ITPRIPL1: variants seen among roughly 807,000 people sequenced by gnomAD.
ITPRIPL1 encodes ITPRIP like 1.
A neutral mutation model predicts 40.0 loss-of-function variants in ITPRIPL1; 28 were observed. That is an observed-to-expected ratio of 0.70 (90% CI 0.52 to 0.96). ITPRIPL1 has a LOEUF of 0.96. ITPRIPL1 is among the 40% of genes least tolerant of loss of function. The pLI is 0.00. For synonymous variants in ITPRIPL1, 251 were observed against 275.7 expected (o/e 0.91, Z 0.89); for missense variants, 638 against 698.0 (o/e 0.91, Z 0.97).
rs891218241 is a variant in ITPRIPL1 at position 96,326,522 on chromosome 2, T to G, written c.11-120T>G. On this transcript the variant is annotated intron_variant, in intron 2 of 2. Coordinates refer to ENST00000439118, the MANE Select transcript of ITPRIPL1 (RefSeq NM_001008949.3). Reference sequence around the variant, plus strand: ...TGTCCAAGCCAAGCTCTGTGGGCTTTCTGTTCCTCCTGAGTAGCTGATTTT... The same window carrying G: ...TGTCCAAGCCAAGCTCTGTGGGCTTGCTGTTCCTCCTGAGTAGCTGATTTT... 29 of 1,560,562 alleles carry G rather than the reference T, an allele frequency of 1.9e-5. No individual in the cohort carries two copies. The African/African-American group carries it at 3.6e-4, about 19-fold the overall frequency.
In ITPRIPL1 at chr2:96,327,943, G is replaced by A. The variant is rs1425066676; in HGVS notation, c.1312G>A (p.Gly438Arg). The A allele has an allele frequency of 1.9e-6, 3 of 1,613,886 alleles. No homozygotes were observed. The highest frequency in any genetic ancestry group is 1.7e-5 in the Admixed American group (1 of 59,974). Residue 438 changes from glycine to arginine, a missense_variant, in exon 3 of 3, where the codon GGA (glycine) becomes AGA (arginine). Transcript: ENST00000439118. ...CCGGCAGCATCAGAGCTTACCCCAT[G>A]GAGCATCCCGCCCCATCCTCACTTC... ...SLRQHQSLPH[G>R]ASRPILTSYH...
chr2:96,327,734 TG>T lies in ITPRIPL1; in HGVS notation c.1108del (p.Val370CysfsTer11), dbSNP rs1439838873. The T allele has an allele frequency of 6.2e-7, 1 of 1,613,432 alleles. No individual in the cohort carries two copies. The highest frequency in any genetic ancestry group is 8.5e-7 in the Non-Finnish European group (1 of 1,179,674). On this transcript the variant is annotated frameshift_variant, in exon 3 of 3. Coordinates refer to ENST00000439118, the MANE Select transcript of ITPRIPL1 (RefSeq NM_001008949.3). LOFTEE classifies it high-confidence loss of function. Reference protein sequence around the residue: ...SGRFLSIHLVLGVQREDTLVY... With the variant: ...SGRFLSIHLVXGVQREDTLVY... ...CGCTTTCTCTCAATCCACTTGGTCC[TG>T]GGGGTGCAACGAGAAGACACCTTGG...
intron 2 of ITPRIPL1, among the ~76,000 whole-genome samples, 190 bp downstream of exon 2, chr2:96,326,039 A>G (rs1193966184): frequency 6.6e-6 from 1 of 152,166 alleles, no homozygotes; most frequent in Non-Finnish European, 1.5e-5. Flanking sequence ...GCCCCTTAGG[A>G]GCAGAGAGGG....
Position 96,325,787 on chromosome 2 carries a change from C to A in ITPRIPL1, c.-53C>A. ...CGGGGAGACGAAGCAAGGCCAAGTTCCAAAGGGAGGATAGGCCCAGCTGGC... is the reference window on the plus strand; with the variant it reads ...CGGGGAGACGAAGCAAGGCCAAGTTACAAAGGGAGGATAGGCCCAGCTGGC... On this transcript the variant is annotated 5_prime_UTR_variant, in exon 2 of 3. Transcript: ENST00000439118. 2.5e-6 allele frequency: 4 copies of A among 1,606,454 alleles called. No homozygotes were observed. Among genetic ancestry groups the A allele is most frequent in the Non-Finnish European group, 3.4e-6 (4 of 1,173,058 alleles).
intron 2 of ITPRIPL1, chr2:96,326,393 A>C: frequency 6.5e-7 from 1 of 1,531,910 alleles, no homozygotes; most frequent in South Asian, 1.2e-5. Context: ...GGAAGCCTAA[A>C]TACCACCCAC....
At chr2:96,326,572 G>C (rs371967569) in intron 2 of ITPRIPL1, 70 bp from the exon 3 acceptor site, 8 of 1,602,104 alleles carry the variant, frequency 5.0e-6, no homozygotes, top group Non-Finnish European at 6.8e-6. Flanking sequence ...CCAGGGCTCT[G>C]GGGAATGTGA....
chr2:96,326,436 G>C (rs886612361), intron 2 of ITPRIPL1: 17 of 1,551,586 alleles, frequency 1.1e-5, no homozygotes, highest in Admixed American at 1.9e-5. Flanking sequence ...GAGAGACTGA[G>C]TGGCACATCC....
In ITPRIPL1 at chr2:96,327,401, C is replaced by T; in HGVS notation, c.770C>T (p.Ala257Val). The T allele has an allele frequency of 2.5e-6, 4 of 1,613,904 alleles. No homozygotes were observed. Among genetic ancestry groups the T allele is most frequent in the Non-Finnish European group, 3.4e-6 (4 of 1,179,900 alleles). The stretch of plus-strand genomic sequence containing the variant: ...TTTGTCCTGGAGATGAGGGACCCAG[C>T]CCTGGGCCGCCGCTGTGGCTGTGTG... ...TMFVLEMRDP[A>V]LGRRCGCVLV... The change falls in exon 3 of 3, where the codon GCC becomes GTC. Residue 257 changes from alanine (A) to valine (V), a missense_variant. Transcript: ENST00000439118.
Position 96,327,700 on chromosome 2 carries a change from C to T in ITPRIPL1, c.1069C>T (p.Arg357Cys), listed in dbSNP as rs140442757. The change falls in exon 3 of 3, where the codon CGC (arginine) becomes TGC (cysteine). Residue 357 changes from arginine to cysteine, a missense_variant. Transcript: ENST00000439118. ...CTCCTGCAAGCTCCGGCTGGACTAT[C>T]GCTCAGGCCGCTTTCTCTCAATCCA... ...TTSCKLRLDY[R>C]SGRFLSIHLV... is the part of the protein sequence containing the mutation. The T allele has an allele frequency of 1.1e-4, 173 of 1,613,164 alleles. 1 individual carries two copies. In the African/African-American group the frequency reaches 1.7e-3, roughly 16 times the overall value.
At position 96,327,101 on chromosome 2, in the gene ITPRIPL1, A is replaced by G. The variant is rs562535855; in HGVS notation, c.470A>G (p.Asn157Ser). The G allele has an allele frequency of 1.8e-5, 29 of 1,614,090 alleles. No individual in the cohort carries two copies. The Admixed American group carries it at 4.5e-4, about 25-fold the overall frequency. Residue 157 changes from asparagine to serine, a missense_variant, in exon 3 of 3, where the codon AAC becomes AGC. Coordinates refer to ENST00000439118, the MANE Select transcript of ITPRIPL1 (RefSeq NM_001008949.3). ...CGTGTTGTCCCTGTCACCTCTTACA[A>G]CTGGCTTACTGACTTCCCCTCCCAG... ...EVRVVPVTSYNWLTDFPSQEA... is the reference protein window; with the variant it reads ...EVRVVPVTSYSWLTDFPSQEA...
Position 96,327,200 on chromosome 2 carries a change from T to C in ITPRIPL1, c.569T>C (p.Val190Ala). 1 of 1,614,098 alleles carries C rather than the reference T, an allele frequency of 6.2e-7. No individual in the cohort carries two copies. The highest frequency in any genetic ancestry group is 8.5e-7 in the Non-Finnish European group (1 of 1,180,008). The change falls in exon 3 of 3, where the codon GTG (valine) becomes GCG (alanine). Residue 190 changes from valine to alanine, a missense_variant. Physicochemically the swap from Val to Ala is moderately conservative, Grantham distance 64. Coordinates refer to ENST00000439118, the MANE Select transcript of ITPRIPL1 (RefSeq NM_001008949.3). Reference protein sequence around the residue: ...IRDLPCTCEFVESFVDDLIEA... With the variant: ...IRDLPCTCEFAESFVDDLIEA... ...GACCTGCCCTGCACCTGTGAGTTTG[T>C]GGAGAGTTTTGTGGATGATCTCATT...
chr2:96,330,247 CAAAAAAAAAAAAAAAAAA>C (rs57831992), downstream of ITPRIPL1: 12 of 23,132 alleles, frequency 5.2e-4, 1 homozygote, highest in South Asian at 6.8e-3. Context: ...GACCGCGTCT[CAAAAAAAAAAAAAAAAAA>C]AAAAAAAAAA....
At position 96,327,095 on chromosome 2, in the gene ITPRIPL1, C is replaced by CT; in HGVS notation, c.466dup (p.Tyr156LeufsTer6). On this transcript the variant is annotated frameshift_variant, in exon 3 of 3. Coordinates refer to ENST00000439118, the MANE Select transcript of ITPRIPL1 (RefSeq NM_001008949.3). LOFTEE classifies it high-confidence loss of function. ...GAAGTCCGTGTTGTCCCTGTCACCT[C>CT]TTACAACTGGCTTACTGACTTCCCC... The CT allele has an allele frequency of 6.2e-7, 1 of 1,614,206 alleles. No individual in the cohort carries two copies. Among genetic ancestry groups the CT allele is most frequent in the South Asian group, 1.1e-5 (1 of 91,084 alleles).
Position 96,328,305 on chromosome 2 carries a change from AG to A in ITPRIPL1, c.*7del. On this transcript the variant is annotated 3_prime_UTR_variant, in exon 3 of 3. Coordinates refer to ENST00000439118, the MANE Select transcript of ITPRIPL1 (RefSeq NM_001008949.3). ...CACTGGCTGCAGCACCTTGATGTAA[AG>A]ACCATTAAAAAAAAAACAGAGGAAG... The A allele has an allele frequency of 6.3e-7, 1 of 1,582,886 alleles. No homozygotes were observed. Among genetic ancestry groups the A allele is most frequent in the Admixed American group, 1.9e-5 (1 of 51,654 alleles).
chr2:96,325,486 G>C lies in ITPRIPL1; in HGVS notation c.-173G>C, dbSNP rs2064096953. 1 of 367,996 alleles carries C rather than the reference G, an allele frequency of 2.7e-6. No homozygotes were observed. Among genetic ancestry groups the C allele is most frequent in the Admixed American group, 4.2e-5 (1 of 23,688 alleles). 22.8% of individuals were successfully genotyped at this position (367,996 alleles called of 1,614,324 possible). ...GGGCGGCCCCAGCGATGAACCGGACGCCCCCACCCTGCCGGGAAAAAAGCA... is the reference window on the plus strand; with the variant it reads ...GGGCGGCCCCAGCGATGAACCGGACCCCCCCACCCTGCCGGGAAAAAAGCA... On this transcript the variant is annotated 5_prime_UTR_variant, in exon 1 of 3. Transcript: ENST00000439118.
At chr2:96,329,477 G>C (rs1399149251), downstream of ITPRIPL1, 1 of 151,778 alleles carries the variant, frequency 6.6e-6, no homozygotes, top group African/African-American at 2.4e-5. Flanking sequence ...TGTTGCTTGT[G>C]GGGAGCCACT....
chr2:96,327,225 T>C lies in ITPRIPL1; in HGVS notation c.594T>C (p.Ile198=). The change falls in exon 3 of 3, where the codon ATT becomes ATC. Residue 198 remains isoleucine, a synonymous_variant. Transcript: ENST00000439118. ...TGGAGAGTTTTGTGGATGATCTCAT[T>C]GAGGCCTGTCGGGTGCTCAGCCGCC... ...EFVESFVDDL[I]EACRVLSRQE... is the part of the protein sequence containing the mutation. 1 of 1,614,128 alleles carries C rather than the reference T, an allele frequency of 6.2e-7. No individual in the cohort carries two copies. The highest frequency in any genetic ancestry group is 8.5e-7 in the Non-Finnish European group (1 of 1,180,026).
chr2:96,326,057 G>C, intron 2 of ITPRIPL1: 1 of 1,105,784 alleles, frequency 9.0e-7, no homozygotes, highest in Non-Finnish European at 1.3e-6. Context: ...GGGCACCGTA[G>C]CAAGCAGCTG....
chr2:96,327,503 AC>A lies in ITPRIPL1; in HGVS notation c.876del (p.Ser293ArgfsTer21). 1.2e-6 allele frequency: 2 copies of A among 1,613,836 alleles called. No individual in the cohort carries two copies. The highest frequency in any genetic ancestry group is 1.7e-6 in the Non-Finnish European group (2 of 1,179,942). ...DVLCLVHHHR[D>X]PSAVLGKCSS... The stretch of plus-strand genomic sequence containing the variant: ...CTGTGCCTGGTGCACCACCACAGGG[AC>A]CCCTCGGCAGTCTTGGGGAAGTGTA... On this transcript the variant is annotated frameshift_variant, in exon 3 of 3. Transcript: ENST00000439118. LOFTEE classifies it high-confidence loss of function.
Sources: gnomAD v4.1 joint callset for allele counts (sites outside exome capture counted in the v4.1 genomes callset) on GRCh38, gnomAD v4.1.1 for gene constraint, MANE v1.5 for transcripts, NCBI Gene and HGNC (gene_info 2026-07-23, HGNC 2026-07-21) for gene names.